ZC3H12B: variants seen among roughly 807,000 people sequenced by gnomAD.
ZC3H12B encodes the protein probable ribonuclease ZC3H12B.
Under a neutral mutation model 43.9 loss-of-function variants are expected in ZC3H12B, and 7 were observed. The observed-to-expected ratio is 0.16, with a 90% CI of 0.09 to 0.30. The LOEUF (loss-of-function observed/expected upper bound fraction) is 0.30, where lower values mean the gene tolerates loss of function less well. Ranked by LOEUF, ZC3H12B falls within the 10% of genes least tolerant of loss-of-function variation. ZC3H12B has a pLI of 1.00. For synonymous variants in ZC3H12B, 222 were observed against 241.7 expected, an observed-to-expected ratio of 0.92 and a Z score of 0.76; for missense variants, 475 against 670.2, an observed-to-expected ratio of 0.71 and a Z score of 3.22.
At chrX:65,403,712 T>C (rs1327085299) in intron 3 of ZC3H12B, among the ~76,000 whole-genome samples, 1 of 111,492 alleles carries the variant, frequency 9.0e-6, no homozygotes. Context: ...CCTAGAATAG[T>C]ATATATGGCA....
upstream of ZC3H12B, among the ~76,000 whole-genome samples, chrX:65,488,388 C>G (rs1278936161): frequency 2.2e-5 from 2 of 89,181 alleles, no homozygotes; most frequent in Non-Finnish European, 4.2e-5. Context: ...GTGTCCATGT[C>G]GCAGGGTGGG....
At chrX:65,330,604 T>G in the ZC3H12B span, among the ~76,000 whole-genome samples, 1 of 111,867 alleles carries the variant, frequency 8.9e-6, no homozygotes, top group Non-Finnish European at 1.9e-5. Flanking sequence ...ATTGAGAGTT[T>G]TTGGGATGAA....
At chrX:65,158,905 G>T in the ZC3H12B span, among the ~76,000 whole-genome samples, 1 of 111,749 alleles carries the variant, frequency 8.9e-6, no homozygotes, top group African/African-American at 3.3e-5. Flanking sequence ...TATGGTTTTA[G>T]GTCTAACATT....
chrX:65,147,514 T>C, the ZC3H12B span, among the ~76,000 whole-genome samples: 7 of 111,025 alleles, frequency 6.3e-5, no homozygotes, highest in South Asian at 2.7e-3. Context: ...TGATGGTCCT[T>C]GAGCATGAGT....
At chrX:65,432,326 G>A (rs1470845962) in intron 3 of ZC3H12B, among the ~76,000 whole-genome samples, 1 of 111,465 alleles carries the variant, frequency 9.0e-6, no homozygotes. Context: ...CCAGTAGCAG[G>A]CCAAGAGTGA....
chrX:65,161,906 G>T, the ZC3H12B span, among the ~76,000 whole-genome samples: 2 of 111,846 alleles, frequency 1.8e-5, no homozygotes, highest in South Asian at 7.4e-4. Context: ...GGCTGGTACT[G>T]GTTGTTCCTT....
At chrX:65,292,492 A>G in the ZC3H12B span, among the ~76,000 whole-genome samples, 26 of 111,255 alleles carry the variant, frequency 2.3e-4, no homozygotes, top group African/African-American at 8.5e-4. Context: ...GGAGGGTTGG[A>G]AGAGAGAGAG....
chrX:65,379,862 G>C (rs773807886), intron 2 of ZC3H12B, among the ~76,000 whole-genome samples: 1 of 111,838 alleles, frequency 8.9e-6, no homozygotes, highest in East Asian at 2.8e-4. Flanking sequence ...TGTCAACGAT[G>C]GAAGATGAAA....
At chrX:65,128,886 T>A in the ZC3H12B span, among the ~76,000 whole-genome samples, 1 of 111,648 alleles carries the variant, frequency 9.0e-6, no homozygotes, top group African/African-American at 3.2e-5. Flanking sequence ...TTGGTTAAGG[T>A]TTGCTTGTTG....
intron 3 of ZC3H12B, among the ~76,000 whole-genome samples, chrX:65,475,663 T>C (rs1256813550): frequency 2.7e-5 from 3 of 111,687 alleles, no homozygotes; most frequent in Admixed American, 9.5e-5. Context: ...TATATAGAGG[T>C]TTAATTGACA....
At chrX:65,427,889 G>T (rs2067102957) in intron 3 of ZC3H12B, among the ~76,000 whole-genome samples, 1 of 111,694 alleles carries the variant, frequency 9.0e-6, no homozygotes, top group African/African-American at 3.3e-5. Flanking sequence ...GTGTGTTTTT[G>T]TAGTGGCTGG....
intron 3 of ZC3H12B, chrX:65,407,935 G>T: frequency 1.5e-6 from 1 of 683,954 alleles, no homozygotes. Context: ...TGGCCGGTAC[G>T]CCCGGCCTAG....
At chrX:65,078,543 G>A in the ZC3H12B span, among the ~76,000 whole-genome samples, 3 of 111,906 alleles carry the variant, frequency 2.7e-5, no homozygotes, top group Non-Finnish European at 3.8e-5. Flanking sequence ...GTTGCTGAGC[G>A]ATCAAGCTAA....
At chrX:65,163,274 T>C in the ZC3H12B span, among the ~76,000 whole-genome samples, 1 of 111,383 alleles carries the variant, frequency 9.0e-6, no homozygotes, top group Admixed American at 9.6e-5. Context: ...AGCTGCGTGA[T>C]GGGAGAACCA....
chrX:65,072,089 G>T, the ZC3H12B span, among the ~76,000 whole-genome samples: 1 of 111,636 alleles, frequency 9.0e-6, no homozygotes, highest in Admixed American at 9.5e-5. Context: ...GATACCAGTG[G>T]GTTATGGATT....
chrX:65,364,751 C>A (rs746994810), upstream of ZC3H12B, among the ~76,000 whole-genome samples: 13 of 111,633 alleles, frequency 1.2e-4, no homozygotes, highest in East Asian at 2.3e-3. Context: ...GGAAATCTAT[C>A]CTCAAGGAAA....
chrX:65,410,197 C>T (rs1186676294), intron 3 of ZC3H12B, among the ~76,000 whole-genome samples: 4 of 109,711 alleles, frequency 3.6e-5, no homozygotes, highest in Non-Finnish European at 7.6e-5. Context: ...AACAAAGGTG[C>T]CAACATACTT....
chrX:65,445,807 G>T (rs896547728), intron 3 of ZC3H12B, among the ~76,000 whole-genome samples: 3 of 112,381 alleles, frequency 2.7e-5, no homozygotes, highest in African/African-American at 9.7e-5. Context: ...TAGGAGTCGG[G>T]AATTTTAGAA....
At chrX:65,049,732 C>T in the ZC3H12B span, among the ~76,000 whole-genome samples, 2 of 111,071 alleles carry the variant, frequency 1.8e-5, no homozygotes, top group Admixed American at 1.9e-4. Context: ...TGATGGGGAT[C>T]ACATTGAATC....
Sources: allele counts gnomAD v4.1 joint callset (sites outside exome capture counted in the v4.1 genomes callset), GRCh38; gene constraint gnomAD v4.1.1; transcripts MANE v1.5; gene names NCBI Gene and HGNC (gene_info 2026-07-23, HGNC 2026-07-21).